ECD: variants seen among roughly 807,000 people sequenced by gnomAD.
ECD encodes the protein ecdysoneless cell cycle regulator, also known as protein ecdysoneless homolog.
A neutral mutation model predicts 77.2 loss-of-function variants in ECD; 59 were observed. The observed-to-expected ratio is 0.76, with a 90% CI of 0.62 to 0.95. The LOEUF (loss-of-function observed/expected upper bound fraction) is 0.95, where lower values mean the gene tolerates loss of function less well. Among genes scored for constraint, ECD ranks in the 40% least tolerant of loss-of-function variants. The pLI is 0.00. For synonymous variants in ECD, 233 were observed against 267.4 expected (o/e 0.87, Z 1.26); for missense variants, 704 against 763.4 (o/e 0.92, Z 0.92).
At chr10:73,162,122 G>A (rs1044262349) in intron 2 of ECD, among the ~76,000 whole-genome samples, 30 of 152,280 alleles carry the variant, frequency 2.0e-4, no homozygotes, top group Admixed American at 4.6e-4. Context: ...ACTACTGAAG[G>A]ATATTAAGCA....
intron 9 of ECD, among the ~76,000 whole-genome samples, chr10:73,145,036 T>C (rs1846506882): frequency 1.3e-5 from 2 of 152,154 alleles, no homozygotes; most frequent in Non-Finnish European, 2.9e-5. Context: ...CCCATAAATA[T>C]GTACAACTAG....
chr10:73,166,257 GCTA>G (rs1398437424), intron 1 of ECD, among the ~76,000 whole-genome samples: 2 of 152,056 alleles, frequency 1.3e-5, no homozygotes, highest in East Asian at 3.9e-4. Context: ...CCAAATCTTG[GCTA>G]CTGAGAATAG....
intron 11 of ECD, among the ~76,000 whole-genome samples, chr10:73,138,616 C>T (rs1033551068): frequency 1.1e-4 from 16 of 151,972 alleles, no homozygotes; most frequent in South Asian, 2.1e-4. Context: ...ACCCAGGCTG[C>T]GGTGCAGTGG....
Position 73,154,308 on chromosome 10 carries a change from C to T in ECD, c.731G>A (p.Arg244Gln), listed in dbSNP as rs369205711. The T allele has an allele frequency of 2.2e-5, 35 of 1,613,154 alleles. No individual in the cohort carries two copies. The East Asian group carries it at 4.7e-4, about 22-fold the overall frequency. Residue 244 changes from arginine (R) to glutamine (Q), a missense_variant, in exon 6 of 14, where the codon CGA becomes CAA. Arg to Gln is a conservative substitution (Grantham distance 43, BLOSUM62 1). This residue lies in a region of ECD where 559 missense variants were observed against 583.7 expected (regional missense o/e 0.96). Coordinates refer to ENST00000372979, the MANE Select transcript of ECD (RefSeq NM_007265.3). ...GAATGTCTTGAAAACACGACAAGCT[C>T]GCAGGTCAATAGGGTCTCGTAGGTA... ...AFYLRDPIDL[R>Q]ACRVFKTFLP... is the part of the protein sequence containing the mutation.
intron 3 of ECD, among the ~76,000 whole-genome samples, chr10:73,157,573 T>A (rs1221628738): frequency 2.7e-5 from 4 of 150,706 alleles, no homozygotes; most frequent in African/African-American, 9.7e-5. Flanking sequence ...ACAAAAAAAA[T>A]CAGCCAGGCG....
intron 9 of ECD, among the ~76,000 whole-genome samples, chr10:73,142,049 G>A (rs1039150364): frequency 6.6e-6 from 1 of 152,142 alleles, no homozygotes; most frequent in African/African-American, 2.4e-5. Flanking sequence ...TGACTCTTGG[G>A]ATCAAGCAAT....
intron 9 of ECD, among the ~76,000 whole-genome samples, chr10:73,140,045 C>A (rs1370144262): frequency 6.6e-6 from 1 of 151,786 alleles, no homozygotes; most frequent in Non-Finnish European, 1.5e-5. Flanking sequence ...TGTGCAGTGG[C>A]GCGACCTCGG....
chr10:73,143,331 G>A (rs1843082360), intron 9 of ECD, among the ~76,000 whole-genome samples: 1 of 133,310 alleles, frequency 7.5e-6, no homozygotes, highest in African/African-American at 2.9e-5. Context: ...AACACGCCCA[G>A]CTAATTTTTG....
rs527742075 is a variant in ECD at position 73,155,270 on chromosome 10, G to A, written c.591-822C>T. On this transcript the variant is annotated intron_variant, in intron 5 of 13. Transcript: ENST00000372979. The stretch of plus-strand genomic sequence containing the variant: ...TTCAGTAGAGACGGGGTTTCACCAT[G>A]TTGGTCAGGATGGTCTCGATCTCTT... Among the ~76,000 whole-genome samples the A allele has an allele frequency of 3.3e-5, 5 of 151,964 alleles. No individual in the cohort carries two copies. The East Asian group carries it at 9.9e-4, about 30-fold the overall frequency.
chr10:73,143,404 G>A (rs1300170182), intron 9 of ECD, among the ~76,000 whole-genome samples: 2 of 152,158 alleles, frequency 1.3e-5, no homozygotes, highest in Non-Finnish European at 2.9e-5. Context: ...CTGACCTCGT[G>A]ATCCACCCGC....
intron 3 of ECD, among the ~76,000 whole-genome samples, chr10:73,157,985 A>G (rs959292891): frequency 1.3e-5 from 2 of 151,406 alleles, no homozygotes; most frequent in Admixed American, 1.3e-4. Flanking sequence ...TTTTTGAGAC[A>G]GAGTCTCACT....
At chr10:73,151,465 G>A (rs988851704) in intron 7 of ECD, among the ~76,000 whole-genome samples, 5 of 151,440 alleles carry the variant, frequency 3.3e-5, no homozygotes, top group East Asian at 1.9e-4. Flanking sequence ...AACATGGCGC[G>A]TGTATACGTA....
At chr10:73,139,546 C>T (rs772016482) in intron 10 of ECD, 51 bp from the exon 11 acceptor site, 22 of 1,600,142 alleles carry the variant, frequency 1.4e-5, no homozygotes, top group Non-Finnish European at 1.7e-5. Context: ...CATAAGTCCT[C>T]TTAGGAGAGG....
At chr10:73,144,490 A>AAAT (rs1198290255) in intron 9 of ECD, among the ~76,000 whole-genome samples, 3 of 152,026 alleles carry the variant, frequency 2.0e-5, no homozygotes, top group Non-Finnish European at 4.4e-5. Flanking sequence ...ACTCTATCTC[A>AAAT]AATAATAATA....
chr10:73,146,781 A>G (rs1443024826), intron 8 of ECD, among the ~76,000 whole-genome samples: 1 of 152,136 alleles, frequency 6.6e-6, no homozygotes, highest in East Asian at 1.9e-4. Context: ...TATGAAAAAA[A>G]AAATTAAATT....
At chr10:73,147,944 C>T (rs1843149853) in intron 8 of ECD, among the ~76,000 whole-genome samples, 2 of 151,980 alleles carry the variant, frequency 1.3e-5, no homozygotes, top group Admixed American at 6.6e-5. Flanking sequence ...TACTAGGTAT[C>T]TTTTAATAAT....
At chr10:73,134,894 C>T in intron 13 of ECD, 81 bp from the exon 14 acceptor site, 2 of 1,204,066 alleles carry the variant, frequency 1.7e-6, no homozygotes. Flanking sequence ...GATAACTAAG[C>T]CACAATGTAA....
At chr10:73,163,666 T>C in intron 2 of ECD, 67 bp downstream of exon 2, 1 of 1,498,966 alleles carries the variant, frequency 6.7e-7, no homozygotes, top group Non-Finnish European at 9.2e-7. Context: ...GCGTGGACTA[T>C]TACACATCAC....
Position 73,156,634 on chromosome 10 carries a change from T to C in ECD, c.345A>G (p.Glu115=). ...LVARIEDNDG[E]FLLIEAADFL... is the part of the protein sequence containing the mutation. ...AGTCAGCAGCTTCTATTAACAAGAA[T>C]TCACCATCATTGTCTTCAATCCTAA... is the stretch of plus-strand genomic sequence containing the variant. Residue 115 remains glutamate (E), a synonymous_variant, in exon 4 of 14, where the codon GAA becomes GAG. Transcript: ENST00000372979. The C allele has an allele frequency of 6.2e-7, 1 of 1,613,710 alleles. No homozygotes were observed. The highest frequency in any genetic ancestry group is 8.5e-7 in the Non-Finnish European group (1 of 1,180,028).
Sources: allele counts gnomAD v4.1 joint callset (sites outside exome capture counted in the v4.1 genomes callset), GRCh38; gene constraint gnomAD v4.1.1; regional missense constraint gnomAD v4.1.1; transcripts MANE v1.5; gene names NCBI Gene and HGNC (gene_info 2026-07-23, HGNC 2026-07-21).